The following COMP variants were observed in gnomAD, a reference collection of about 807,000 sequenced individuals.
COMP encodes the protein cartilage oligomeric matrix protein, also known as cartilage oligomeric matrix protein (pseudoachondroplasia, epiphyseal dysplasia 1, multiple).
COMP carries 79 observed loss-of-function variants against 95.8 expected under a neutral mutation model. That is an observed-to-expected ratio of 0.82 (90% CI 0.69 to 0.99). COMP has a LOEUF of 0.99. COMP is among the 50% of genes least tolerant of loss of function. COMP has a pLI of 0.00. For missense variants in COMP, 906 were observed against 1,076.1 expected, an observed-to-expected ratio of 0.84 and a Z score of 2.21; for synonymous variants, 438 against 433.9, an observed-to-expected ratio of 1.01 and a Z score of -0.12.
At chr19:18,785,460 C>T (rs911339664) in intron 15 of COMP, 38 bp downstream of exon 15, 32 of 1,611,818 alleles carry the variant, frequency 2.0e-5, no homozygotes, top group African/African-American at 1.1e-4. Flanking sequence ...TCCCTGAGCC[C>T]GCTCCGTGGC....
chr19:18,785,744 C>T lies in COMP; in HGVS notation c.1597G>A (p.Ala533Thr), dbSNP rs777047473. ...NAEVTLTDFR[A>T]FQTVVLDPEG... Reference sequence around the variant, plus strand: ...GGGTCCAGCACGACTGTCTGGAAGGCCCTGAAGTCGGTGAGCGTGACTTCA... The same window carrying T: ...GGGTCCAGCACGACTGTCTGGAAGGTCCTGAAGTCGGTGAGCGTGACTTCA... Residue 533 changes from alanine to threonine, a missense_variant, in exon 14 of 19, where the codon GCC (alanine) becomes ACC (threonine). Coordinates refer to ENST00000222271, the MANE Select transcript of COMP (RefSeq NM_000095.3). 1.2e-6 allele frequency: 2 copies of T among 1,613,536 alleles called. No homozygotes were observed. Among genetic ancestry groups the T allele is most frequent in the Admixed American group, 3.3e-5 (2 of 60,028 alleles).
chr19:18,790,653 C>G, intron 2 of COMP, 40 bp from the exon 3 acceptor site: 1 of 1,613,820 alleles, frequency 6.2e-7, no homozygotes, highest in Non-Finnish European at 8.5e-7. Context: ...CCCAACCTCT[C>G]CTCATCCCTC....
chr19:18,785,073 G>A lies in COMP; in HGVS notation c.1737C>T (p.Gly579=), dbSNP rs1568554284. The change falls in exon 16 of 19, where the codon GGC becomes GGT. Residue 579 remains glycine, a synonymous_variant. Coordinates refer to ENST00000222271, the MANE Select transcript of COMP (RefSeq NM_000095.3). ...GLAVGYTAFN[G]VDFEGTFHVN... ...CATGGAACGTGCCCTCGAAGTCCAC[G>A]CCATTGAAGGCAGTGTAACCTAGGG... 2 of 1,614,044 alleles carry A rather than the reference G, an allele frequency of 1.2e-6. No homozygotes were observed. The highest frequency in any genetic ancestry group is 1.7e-6 in the Non-Finnish European group (2 of 1,179,982).
Position 18,789,211 on chromosome 19 carries a change from G to C in COMP, c.477C>G (p.Ser159Arg), listed in dbSNP as rs780957814. 11 of 1,543,786 alleles carry C rather than the reference G, an allele frequency of 7.1e-6. No individual in the cohort carries two copies. The highest frequency in any genetic ancestry group is 7.0e-5 in the African/African-American group (5 of 71,910). The change falls in exon 5 of 19, where the codon AGC becomes AGG. Residue 159 changes from serine to arginine, a missense_variant. By Grantham distance (110) the Ser-to-Arg change is moderately radical. Coordinates refer to ENST00000222271, the MANE Select transcript of COMP (RefSeq NM_000095.3). This position sits in a 1 kb window ranked among gnomAD's most constrained non-coding sequence, Gnocchi z 6.1. ...GCCCCACGCCCTGGTGGGTGGGGCC[G>C]CTGTACCCCGGCGGGCAAGCCTCGC... ...FRCEACPPGY[S>R]GPTHQGVGLA... is the part of the protein sequence containing the mutation.
Position 18,789,344 on chromosome 19 carries a change from C to T in COMP, c.391-47G>A. Reference sequence around the variant, plus strand: ...AGGGTCAGAGGGCTTCGAGCTGGGCCCTGGGGGCCGCACCTCGTAGTGTCT... The same window carrying T: ...AGGGTCAGAGGGCTTCGAGCTGGGCTCTGGGGGCCGCACCTCGTAGTGTCT... On this transcript the variant is annotated intron_variant, in intron 4 of 18. Coordinates refer to ENST00000222271, the MANE Select transcript of COMP (RefSeq NM_000095.3). This position sits in a 1 kb window ranked among gnomAD's most constrained non-coding sequence, Gnocchi z 6.1. 1 of 1,424,820 alleles carries T rather than the reference C, an allele frequency of 7.0e-7. No homozygotes were observed. The highest frequency in any genetic ancestry group is 1.4e-5 in the African/African-American group (1 of 69,016). 88.3% of individuals were successfully genotyped at this position (1,424,820 alleles called of 1,614,324 possible).
intron 3 of COMP, 78 bp downstream of exon 3, chr19:18,790,483 CT>C: frequency 6.3e-7 from 1 of 1,582,254 alleles, no homozygotes; most frequent in Admixed American, 1.7e-5. Flanking sequence ...TCCTCCCCAG[CT>C]TTCCCTGGCT....
At position 18,784,413 on chromosome 19, in the gene COMP, C is replaced by A. The variant is rs183160443; in HGVS notation, c.1915-50G>T. The A allele has an allele frequency of 8.0e-5, 129 of 1,606,042 alleles. No individual in the cohort carries two copies. Among genetic ancestry groups the A allele is most frequent in the Non-Finnish European group, 1.0e-4 (120 of 1,174,184 alleles). On this transcript the variant is annotated intron_variant, in intron 16 of 18. Transcript: ENST00000222271. The surrounding 1 kb of genome is among the most constrained non-coding windows in gnomAD (Gnocchi z 4.9). ...CAGAGACCTCGTGGGCCACCGGAGC[C>A]CCCCTAGACACCTTCCTGGAGAGAC...
chr19:18,783,863 G>A (rs576339477), intron 17 of COMP, among the ~76,000 whole-genome samples: 246 of 152,254 alleles, frequency 1.6e-3, no homozygotes, highest in African/African-American at 5.7e-3. Context: ...ACCCGCCTCG[G>A]CCTCCCAAAG....
Position 18,788,918 on chromosome 19 carries a change from G to C in COMP, c.529-5C>G. On this transcript the variant is annotated splice_polypyrimidine_tract_variant and splice_region_variant and intron_variant, in intron 5 of 18. Transcript: ENST00000222271. The surrounding 1 kb of genome is among the most constrained non-coding windows in gnomAD (Gnocchi z 4.7). The stretch of plus-strand genomic sequence containing the variant: ...CTCGTTGATGTCCGTGCAAACCTAG[G>C]GGAGGGGAACTCAGAGGTCACCACC... 2 of 1,613,226 alleles carry C rather than the reference G, an allele frequency of 1.2e-6. No individual in the cohort carries two copies. Among genetic ancestry groups the C allele is most frequent in the Non-Finnish European group, 1.7e-6 (2 of 1,179,804 alleles).
chr19:18,787,529 C>T lies in COMP; in HGVS notation c.1097G>A (p.Gly366Asp). 2 of 1,613,802 alleles carry T rather than the reference C, an allele frequency of 1.2e-6. No individual in the cohort carries two copies. Among genetic ancestry groups the T allele is most frequent in the Non-Finnish European group, 1.7e-6 (2 of 1,180,038 alleles). Residue 366 changes from glycine to aspartate, a missense_variant, in exon 10 of 19, where the codon GGC (glycine) becomes GAC (aspartate). Transcript: ENST00000222271. ...NDDQKDTDQD[G>D]RGDACDDDID... The stretch of plus-strand genomic sequence containing the variant: ...GTCGTCGTCGCACGCATCGCCCCGG[C>T]CGTCCTGGTCTGTGTCCTTTTGGTC...
intron 10 of COMP, chr19:18,787,139 C>T (rs1309757833): frequency 2.1e-5 from 9 of 431,786 alleles, no homozygotes; most frequent in Non-Finnish European, 3.9e-5. Context: ...CTCTCACTCC[C>T]AGGGTGGCTC....
rs766335907 is a variant in COMP at position 18,787,632 on chromosome 19, G to A, written c.994C>T (p.Arg332Trp). 8.7e-6 allele frequency: 14 copies of A among 1,613,754 alleles called. No homozygotes were observed. Among genetic ancestry groups the A allele is most frequent in the Non-Finnish European group, 1.1e-5 (13 of 1,180,026 alleles). ...TCCGTGTTGCGCTGGTCTGGGTTCC[G>A]CACCAGCGGGCAGTTGTCCTGGATG... ...PNEKDNCPLV[R>W]NPDQRNTDED... The change falls in exon 10 of 19, where the codon CGG becomes TGG. Residue 332 changes from arginine (R) to tryptophan (W), a missense_variant. Arg to Trp is a moderately radical substitution (Grantham distance 101). Transcript: ENST00000222271.
chr19:18,789,666 C>G lies in COMP; in HGVS notation c.390+276G>C, dbSNP rs1447528130. On this transcript the variant is annotated intron_variant, in intron 4 of 18. Transcript: ENST00000222271. The surrounding 1 kb of genome is among the most constrained non-coding windows in gnomAD (Gnocchi z 6.1). ...CGATCCCCTGCGGCGAGGAGGGTAG[C>G]TGGGGCGGACCACCCCTGGCGGTGA... Among the ~76,000 whole-genome samples the G allele has an allele frequency of 6.7e-6, 1 of 149,306 alleles. No homozygotes were observed. The highest frequency in any genetic ancestry group is 2.5e-5 in the African/African-American group (1 of 40,218).
At chr19:18,785,615 A>AG (rs2055159879) in intron 14 of COMP, 58 bp downstream of exon 14, 10 of 1,613,516 alleles carry the variant, frequency 6.2e-6, no homozygotes, top group Non-Finnish European at 8.5e-6. Flanking sequence ...TCCTCAGCAT[A>AG]GGCCTCACTG....
chr19:18,782,946 TC>T lies in COMP; in HGVS notation c.2242del (p.Asp748ThrfsTer?), dbSNP rs1568553251. On this transcript the variant is annotated frameshift_variant, in exon 19 of 19. Coordinates refer to ENST00000222271, the MANE Select transcript of COMP (RefSeq NM_000095.3). LOFTEE classifies it high-confidence loss of function. Reference sequence around the variant, plus strand: ...TTGCCGCAGCTGATGGGTCTCATAGTCCTCTGGGATGGTGTCTGCAGGGAGA... The same window carrying T: ...TTGCCGCAGCTGATGGGTCTCATAGTCTCTGGGATGGTGTCTGCAGGGAGA... ...RYRCNDTIPE[D>X]YETHQLRQA The T allele has an allele frequency of 6.2e-7, 1 of 1,612,580 alleles. No homozygotes were observed. The highest frequency in any genetic ancestry group is 2.2e-5 in the East Asian group (1 of 44,852).
chr19:18,788,100 C>T lies in COMP; in HGVS notation c.975+112G>A. 1.1e-6 allele frequency: 1 copy of T among 879,610 alleles called. No individual in the cohort carries two copies. Among genetic ancestry groups the T allele is most frequent in the East Asian group, 2.6e-5 (1 of 38,046 alleles). 54.5% of individuals were successfully genotyped at this position (879,610 alleles called of 1,614,324 possible). ...TGTATTTTTAGTAGAGGAGGGGTTT[C>T]ACCATGATGGCCAGGATGGTCTCCA... On this transcript the variant is annotated intron_variant, in intron 9 of 18. Coordinates refer to ENST00000222271, the MANE Select transcript of COMP (RefSeq NM_000095.3). The surrounding 1 kb of genome is among the most constrained non-coding windows in gnomAD (Gnocchi z 4.7).
intron 17 of COMP, among the ~76,000 whole-genome samples, chr19:18,783,754 G>A (rs893630171): frequency 2.0e-5 from 3 of 151,986 alleles, no homozygotes; most frequent in Admixed American, 1.3e-4. Flanking sequence ...GGATGACAGG[G>A]CCCCGCCACC....
rs1368713436 is a variant in COMP, at chr19:18,788,492, T to C, written c.785A>G (p.Asn262Ser). 1.2e-6 allele frequency: 2 copies of C among 1,608,934 alleles called. No homozygotes were observed. The highest frequency in any genetic ancestry group is 1.3e-5 in the African/African-American group (1 of 74,760). ...AGTGTCGCGACCACAGAGGATCCCG[T>C]TGCCGGCCCAGCCAACGGCACACTG... is the stretch of plus-strand genomic sequence containing the variant. Reference protein sequence around the residue: ...SCVCAVGWAGNGILCGRDTDL... With the variant: ...SCVCAVGWAGSGILCGRDTDL... Residue 262 changes from asparagine to serine, a missense_variant, in exon 8 of 19, where the codon AAC (asparagine) becomes AGC (serine). Coordinates refer to ENST00000222271, the MANE Select transcript of COMP (RefSeq NM_000095.3). This position sits in a 1 kb window ranked among gnomAD's most constrained non-coding sequence, Gnocchi z 4.7.
chr19:18,788,191 C>A lies in COMP; in HGVS notation c.975+21G>T. On this transcript the variant is annotated intron_variant, in intron 9 of 18. Transcript: ENST00000222271. The surrounding 1 kb of genome is among the most constrained non-coding windows in gnomAD (Gnocchi z 4.7). ...TGCTGGGATTACAGGAGTGAACCAC[C>A]GTGCCGAGCCGTAGATCTACCTTTT... The A allele has an allele frequency of 1.2e-6, 2 of 1,600,628 alleles. No individual in the cohort carries two copies. Among genetic ancestry groups the A allele is most frequent in the South Asian group, 1.1e-5 (1 of 90,690 alleles).
Sources: allele counts gnomAD v4.1 joint callset (sites outside exome capture counted in the v4.1 genomes callset), GRCh38; gene constraint gnomAD v4.1.1; non-coding constraint Gnocchi (gnomAD v3.1); transcripts MANE v1.5; gene names NCBI Gene and HGNC (gene_info 2026-07-23, HGNC 2026-07-21).